AMPH: variants seen among roughly 807,000 people sequenced by gnomAD.
The protein encoded by AMPH is amphiphysin (Stiff-Mann syndrome with breast cancer 128kD autoantigen).
In AMPH, 49 loss-of-function variants were observed where a neutral mutation model predicts 99.1. The ratio of observed to expected loss-of-function variants is 0.49; its 90% confidence interval spans 0.39 to 0.63. AMPH has a LOEUF of 0.63. Ranked by LOEUF, AMPH falls within the 20% of genes least tolerant of loss-of-function variation. The pLI, the probability that AMPH is intolerant of heterozygous loss-of-function variation, is 0.00. For synonymous variants in AMPH, 314 were observed against 317.3 expected (o/e 0.99, Z 0.11); for missense variants, 759 against 863.4 (o/e 0.88, Z 1.52).
At chr7:38,529,314 A>T (rs1790307104) in intron 2 of AMPH, among the ~76,000 whole-genome samples, 1 of 152,256 alleles carries the variant, frequency 6.6e-6, no homozygotes, top group South Asian at 2.1e-4. Context: ...AGGACAAACC[A>T]GAGGAAGCAC....
At chr7:38,588,182 G>A (rs1792734761) in intron 1 of AMPH, among the ~76,000 whole-genome samples, 1 of 151,964 alleles carries the variant, frequency 6.6e-6, no homozygotes, top group African/African-American at 2.4e-5. Flanking sequence ...TCAAACTTCT[G>A]AGCTCAAGTG....
intron 5 of AMPH, among the ~76,000 whole-genome samples, chr7:38,477,334 T>C (rs544609880): frequency 6.6e-6 from 1 of 152,226 alleles, no homozygotes; most frequent in South Asian, 2.1e-4. Context: ...CTGAAGATAG[T>C]GGGAAACTAT....
chr7:38,415,120 T>C (rs1175213147), intron 17 of AMPH, among the ~76,000 whole-genome samples: 2 of 152,296 alleles, frequency 1.3e-5, no homozygotes, highest in South Asian at 4.1e-4. Flanking sequence ...ATACTACCTA[T>C]ATGAGAAATA....
chr7:38,627,785 T>G (rs948540323), intron 1 of AMPH, among the ~76,000 whole-genome samples: 2 of 152,102 alleles, frequency 1.3e-5, no homozygotes, highest in African/African-American at 4.8e-5. Context: ...TATATAGCTT[T>G]TATTCATTAA....
chr7:38,471,120 G>A (rs1305191842), intron 7 of AMPH, among the ~76,000 whole-genome samples: 3 of 152,088 alleles, frequency 2.0e-5, no homozygotes, highest in African/African-American at 4.8e-5. Context: ...CATGATAAAT[G>A]TATCTGATCC....
chr7:38,618,038 T>C (rs1192034487), intron 1 of AMPH, among the ~76,000 whole-genome samples: 2 of 152,184 alleles, frequency 1.3e-5, no homozygotes, highest in Admixed American at 6.5e-5. Flanking sequence ...ACACTGGACA[T>C]CTCGTACTAT....
At chr7:38,428,805 T>G in intron 14 of AMPH, 1 of 465,086 alleles carries the variant, frequency 2.2e-6, no homozygotes, top group Non-Finnish European at 4.3e-6. Context: ...TTTTGCCATA[T>G]CTCCTCCTTC....
chr7:38,600,058 T>C (rs2129061144), intron 1 of AMPH, among the ~76,000 whole-genome samples: 1 of 152,260 alleles, frequency 6.6e-6, no homozygotes, highest in African/African-American at 2.4e-5. Context: ...GAGAGTGGCC[T>C]TTGGATTCAG....
intron 2 of AMPH, among the ~76,000 whole-genome samples, chr7:38,519,732 A>G (rs1177653303): frequency 6.6e-6 from 1 of 152,232 alleles, no homozygotes; most frequent in African/African-American, 2.4e-5. Context: ...AGTCCAGGTT[A>G]GGATCAAGCC....
chr7:38,468,244 C>CT (rs1787741532), intron 7 of AMPH, among the ~76,000 whole-genome samples: 1 of 152,138 alleles, frequency 6.6e-6, no homozygotes, highest in African/African-American at 2.4e-5. Flanking sequence ...GTTTATATTT[C>CT]TTCAATTAAA....
At chr7:38,428,077 C>G (rs932447945) in intron 14 of AMPH, 1 of 456,630 alleles carries the variant, frequency 2.2e-6, no homozygotes, top group Non-Finnish European at 4.4e-6. Flanking sequence ...TTCAGTTCTT[C>G]CTTGTGCTCA....
intron 1 of AMPH, among the ~76,000 whole-genome samples, chr7:38,537,441 A>G (rs1285741531): frequency 6.6e-6 from 1 of 152,216 alleles, no homozygotes; most frequent in Non-Finnish European, 1.5e-5. Flanking sequence ...TCACCAATGT[A>G]TAAGCTTATA....
intron 2 of AMPH, among the ~76,000 whole-genome samples, chr7:38,523,639 A>T (rs1229761222): frequency 6.6e-6 from 1 of 152,180 alleles, no homozygotes; most frequent in African/African-American, 2.4e-5. Context: ...ATTAATTAAG[A>T]AAGAAAAATT....
intron 1 of AMPH, among the ~76,000 whole-genome samples, chr7:38,630,939 C>A (rs1359076805): frequency 6.6e-6 from 1 of 151,690 alleles, no homozygotes; most frequent in South Asian, 2.1e-4. Flanking sequence ...CTGCTCCGGG[C>A]GCAGCGGGCA....
At chr7:38,604,042 TGATTAAGATGTTGAGAGAATTTCCAG>T (rs1378545519) in intron 1 of AMPH, among the ~76,000 whole-genome samples, 3 of 152,216 alleles carry the variant, frequency 2.0e-5, no homozygotes, top group African/African-American at 7.2e-5. Context: ...TATCCTATAC[TGATTAAGATGTTGAGAGAATTTCCAG>T]GAAGCTTCAA....
In AMPH at chr7:38,558,330, G is replaced by A. The variant is rs115517207; in HGVS notation, c.70-23319C>T. Among the ~76,000 whole-genome samples the A allele has an allele frequency of 3.9e-3, 596 of 152,314 alleles. 7 individuals carry two copies. The highest frequency in any genetic ancestry group is 0.014 in the African/African-American group (570 of 41,564). ...CAGGGGTTCTGCACCACCCACAGGC[G>A]ACAGAAGCAGGTGGAGTGCACCTGG... On this transcript the variant is annotated intron_variant, in intron 1 of 20. Transcript: ENST00000356264.
chr7:38,466,177 G>A lies in AMPH; in HGVS notation c.662C>T (p.Ala221Val), dbSNP rs768225866. 31 of 1,600,228 alleles carry A rather than the reference G, an allele frequency of 1.9e-5. No individual in the cohort carries two copies. The East Asian group carries it at 4.8e-4, about 25-fold the overall frequency. The part of the protein sequence containing the change: ...SLEAKFHKEI[A>V]VLCHKLYEVM... ...AAAATTATCGTCATGACTCACCACC[G>A]CAATTTCCTTATGAAACTTGGCTTC... Residue 221 changes from alanine (A) to valine (V), a missense_variant, in exon 8 of 21, where the codon GCG becomes GTG. Physicochemically the swap from Ala to Val is moderately conservative, Grantham distance 64 (BLOSUM62 0). Around this residue, in one of 2 missense-constraint regions of AMPH, gnomAD observed 205 missense variants for 287.9 expected, o/e 0.71. Coordinates refer to ENST00000356264, the MANE Select transcript of AMPH (RefSeq NM_001635.4).
chr7:38,457,906 G>T (rs1562768409), intron 11 of AMPH, among the ~76,000 whole-genome samples: 1 of 151,942 alleles, frequency 6.6e-6, no homozygotes, highest in African/African-American at 2.4e-5. Context: ...CTGTCATAAT[G>T]TTAATTGTTT....
chr7:38,535,811 A>C (rs1371673191), intron 1 of AMPH, among the ~76,000 whole-genome samples: 1 of 152,134 alleles, frequency 6.6e-6, no homozygotes, highest in Non-Finnish European at 1.5e-5. Flanking sequence ...TGCTGATCTG[A>C]CAGGAGGCGG....
Sources: allele counts gnomAD v4.1 joint callset (sites outside exome capture counted in the v4.1 genomes callset), GRCh38; gene constraint gnomAD v4.1.1; regional missense constraint gnomAD v4.1.1; transcripts MANE v1.5; gene names NCBI Gene and HGNC (gene_info 2026-07-23, HGNC 2026-07-21).